The following NAV1 variants were observed in gnomAD, a reference collection of about 807,000 sequenced individuals.
NAV1 encodes the protein pore membrane and/or filament interacting like protein 3.
In NAV1, 18 loss-of-function variants were observed where a neutral mutation model predicts 175.2. That is an observed-to-expected ratio of 0.10 (90% CI 0.07 to 0.15). The LOEUF is 0.15. NAV1 is among the 10% of genes least tolerant of loss of function. The pLI, the probability that NAV1 is intolerant of heterozygous loss-of-function variation, is 1.00. For missense variants in NAV1, 1,731 were observed against 2,436.6 expected (o/e 0.71, Z 6.10); for synonymous variants, 897 against 978.7 (o/e 0.92, Z 1.56).
At chr1:201,602,618 G>A (rs1667547989) in intron 2 of NAV1, among the ~76,000 whole-genome samples, 1 of 149,078 alleles carries the variant, frequency 6.7e-6, no homozygotes, top group Non-Finnish European at 1.5e-5. Context: ...TTGAGCCACT[G>A]CACCTAGACT....
chr1:201,568,214 C>A (rs891793203), intron 1 of NAV1, among the ~76,000 whole-genome samples: 1 of 152,168 alleles, frequency 6.6e-6, no homozygotes, highest in Non-Finnish European at 1.5e-5. Flanking sequence ...GGACTGGCAT[C>A]AGAGCAAGCC....
At chr1:201,770,632 G>C (rs1675513337) in intron 3 of NAV1, among the ~76,000 whole-genome samples, 1 of 152,208 alleles carries the variant, frequency 6.6e-6, no homozygotes, top group Admixed American at 6.5e-5. Context: ...ATACATGGCT[G>C]TTTTCCTCCT....
upstream of NAV1, among the ~76,000 whole-genome samples, chr1:201,622,107 G>C (rs766464882): frequency 1.3e-5 from 2 of 152,096 alleles, no homozygotes; most frequent in Non-Finnish European, 2.9e-5. Context: ...GTCTCTTTTA[G>C]ACGAGGGTGG....
intron 3 of NAV1, among the ~76,000 whole-genome samples, chr1:201,726,648 C>CAA (rs369489372): frequency 0.18 from 20,129 of 109,720 alleles, 2,101 homozygotes; most frequent in East Asian, 0.38. Flanking sequence ...AACTCCATCT[C>CAA]AAAAAAAAAA....
intron 1 of NAV1, among the ~76,000 whole-genome samples, chr1:201,684,888 G>A (rs1438836366): frequency 2.6e-5 from 4 of 151,170 alleles, no homozygotes; most frequent in African/African-American, 4.9e-5. Flanking sequence ...ACGTGACCCC[G>A]GAAGTGGAGG....
intron 2 of NAV1, among the ~76,000 whole-genome samples, chr1:201,632,819 T>A (rs1398388247): frequency 6.6e-6 from 1 of 152,266 alleles, no homozygotes; most frequent in Non-Finnish European, 1.5e-5. Flanking sequence ...TTGCTTTTCT[T>A]CCTCTTTCTT....
chr1:201,646,814 G>T (rs1045418183), upstream of NAV1, among the ~76,000 whole-genome samples: 5 of 152,138 alleles, frequency 3.3e-5, no homozygotes, highest in Non-Finnish European at 5.9e-5. Flanking sequence ...GCAAGGTGCT[G>T]AGTGACACAG....
At chr1:201,820,127 G>T in exon 30 of NAV1, 1 of 554,062 alleles carries the variant, frequency 1.8e-6, no homozygotes, top group Non-Finnish European at 3.2e-6. Context: ...GGAATGGTGG[G>T]GTGGCGTTTG....
At chr1:201,820,828 T>C (rs1014045014) in exon 30 of NAV1, 3 of 151,278 alleles carry the variant, frequency 2.0e-5, no homozygotes, top group African/African-American at 7.3e-5. Context: ...TTTTTTTTTC[T>C]TTTTCCGTTT....
chr1:201,805,214 G>A (rs1012882171), intron 17 of NAV1, among the ~76,000 whole-genome samples: 2 of 152,136 alleles, frequency 1.3e-5, no homozygotes, highest in Non-Finnish European at 2.9e-5. Flanking sequence ...CTATAATCTC[G>A]TCATTAAGAA....
chr1:201,796,274 A>G (rs1358872464), intron 15 of NAV1: 1 of 152,070 alleles, frequency 6.6e-6, no homozygotes, highest in Non-Finnish European at 1.5e-5. Flanking sequence ...CAGCTACACC[A>G]TTTTACATTC....
chr1:201,625,595 C>T (rs554147512), intron 1 of NAV1, among the ~76,000 whole-genome samples: 6 of 152,310 alleles, frequency 3.9e-5, no homozygotes, highest in Admixed American at 2.0e-4. Context: ...TTCTTTACTT[C>T]GATTCTGAAG....
At chr1:201,565,287 C>T (rs932505097) in intron 1 of NAV1, among the ~76,000 whole-genome samples, 1 of 152,232 alleles carries the variant, frequency 6.6e-6, no homozygotes, top group African/African-American at 2.4e-5. Flanking sequence ...CATGTGGTGC[C>T]TTATAAATGC....
intron 2 of NAV1, among the ~76,000 whole-genome samples, chr1:201,609,796 T>C (rs979387563): frequency 1.3e-5 from 2 of 151,988 alleles, no homozygotes; most frequent in Non-Finnish European, 1.5e-5. Flanking sequence ...ATCTAAGCTA[T>C]TGTTAGGGAA....
chr1:201,769,358 T>G (rs1404822606), intron 3 of NAV1, among the ~76,000 whole-genome samples: 1 of 152,244 alleles, frequency 6.6e-6, no homozygotes, highest in Non-Finnish European at 1.5e-5. Context: ...TTGTCACTGT[T>G]GTCTATTTCA....
intron 2 of NAV1, among the ~76,000 whole-genome samples, chr1:201,598,834 T>G (rs549933203): frequency 6.6e-6 from 1 of 152,254 alleles, no homozygotes; most frequent in South Asian, 2.1e-4. Flanking sequence ...GTCTTCAGTT[T>G]GGGGACAGAA....
exon 11 of NAV1, chr1:201,789,764 C>T (rs1268184336): frequency 6.2e-7 from 1 of 1,614,154 alleles, no homozygotes. Context: ...CTGTCCCTGG[C>T]CTCCAGTGCC....
chr1:201,541,113 G>A (rs1051258255), intron 1 of NAV1, among the ~76,000 whole-genome samples: 4 of 152,110 alleles, frequency 2.6e-5, no homozygotes, highest in African/African-American at 7.2e-5. Flanking sequence ...TGTTTTTGTT[G>A]ATTGTCAGTG....
At chr1:201,569,054 C>T (rs1016202270) in intron 1 of NAV1, among the ~76,000 whole-genome samples, 3 of 152,174 alleles carry the variant, frequency 2.0e-5, no homozygotes, top group Admixed American at 2.0e-4. Flanking sequence ...CAGGGAGAAG[C>T]GTGTTTCCTT....
Sources: allele counts gnomAD v4.1 joint callset (sites outside exome capture counted in the v4.1 genomes callset), GRCh38; gene constraint gnomAD v4.1.1; transcripts MANE v1.5; gene names NCBI Gene and HGNC (gene_info 2026-07-23, HGNC 2026-07-21).